The following ASB2 variants were observed in gnomAD, a reference collection of about 807,000 sequenced individuals.
ASB2 encodes the protein ankyrin repeat and SOCS box protein 2.
A neutral mutation model predicts 62.4 loss-of-function variants in ASB2; 58 were observed. That is an observed-to-expected ratio of 0.93 (90% CI 0.75 to 1.16). ASB2 has a LOEUF of 1.16. ASB2 is among the 50% of genes most tolerant of loss of function. The pLI, the probability that ASB2 is intolerant of heterozygous loss-of-function variation, is 0.00. For missense variants in ASB2, 928 were observed against 887.9 expected (o/e 1.05, Z -0.57); for synonymous variants, 386 against 385.3 (o/e 1.00, Z -0.02).
At chr14:93,956,913 G>T (rs772088067) in intron 2 of ASB2, 43 bp from the exon 3 acceptor site, 1 of 1,611,704 alleles carries the variant, frequency 6.2e-7, no homozygotes. Context: ...AAAGTACTCT[G>T]CATAGGAGAA....
intron 1 of ASB2, among the ~76,000 whole-genome samples, chr14:93,975,814 C>A (rs930073044): frequency 6.6e-6 from 1 of 152,236 alleles, no homozygotes; most frequent in Non-Finnish European, 1.5e-5. Flanking sequence ...AGGCCATGGC[C>A]TCCTTAAATG....
At chr14:93,943,692 C>T (rs907885566) in intron 7 of ASB2, among the ~76,000 whole-genome samples, 2 of 152,142 alleles carry the variant, frequency 1.3e-5, no homozygotes, top group Non-Finnish European at 2.9e-5. Flanking sequence ...ACATGGGAAC[C>T]AGTTGCCCAC....
At chr14:93,935,423 G>GTCATTCAT (rs55731345) in intron 9 of ASB2, among the ~76,000 whole-genome samples, 23,240 of 150,892 alleles carry the variant, frequency 0.15, 1,852 homozygotes, top group East Asian at 0.24. Flanking sequence ...ATCACAGAAT[G>GTCATTCAT]TCATTCATTC....
At position 93,934,580 on chromosome 14, in the gene ASB2, G is replaced by C; in HGVS notation, c.*76C>G. ...GCCTCGTCTGTCACCAGGTCCCCTT[G>C]GAGTTGGGAACACCGACGTCCTGAG... On this transcript the variant is annotated 3_prime_UTR_variant, in exon 10 of 10. Coordinates refer to ENST00000555019, the MANE Select transcript of ASB2 (RefSeq NM_001202429.2). 1 of 1,492,718 alleles carries C rather than the reference G, an allele frequency of 6.7e-7. No individual in the cohort carries two copies. The highest frequency in any genetic ancestry group is 9.3e-7 in the Non-Finnish European group (1 of 1,080,256). The allele number at this position is 1,492,718 out of a possible 1,614,324, so 92.5% of individuals were successfully genotyped here. A position where few individuals can be genotyped will look rare whatever the true frequency, so the allele number is the denominator to read the frequency against.
At position 93,956,860 on chromosome 14, in the gene ASB2, G is replaced by A. The variant is rs1433633018; in HGVS notation, c.217C>T (p.Pro73Ser). 1.2e-6 allele frequency: 2 copies of A among 1,614,212 alleles called. No individual in the cohort carries two copies. The highest frequency in any genetic ancestry group is 1.1e-5 in the South Asian group (1 of 91,086). ...GCCCGGGCCGGCGAACTCTCAGGAG[G>A]TGCAGTGGACCTGGAGGGTGCAGAG... Reference protein sequence around the residue: ...HFYPWTRSTAPPESSPARAPM... With the variant: ...HFYPWTRSTASPESSPARAPM... Residue 73 changes from proline (P) to serine (S), a missense_variant, in exon 3 of 10, where the codon CCT (proline) becomes TCT (serine). Pro to Ser is a moderately conservative substitution (Grantham distance 74). Coordinates refer to ENST00000555019, the MANE Select transcript of ASB2 (RefSeq NM_001202429.2).
intron 7 of ASB2, among the ~76,000 whole-genome samples, chr14:93,945,325 G>A (rs938715801): frequency 2.6e-5 from 4 of 152,180 alleles, no homozygotes; most frequent in African/African-American, 9.7e-5. Flanking sequence ...TGGAACTCAA[G>A]AGAAAGGAGC....
At chr14:93,938,997 G>T in intron 8 of ASB2, 111 bp downstream of exon 8, 1 of 976,296 alleles carries the variant, frequency 1.0e-6, no homozygotes, top group Non-Finnish European at 1.4e-6. Context: ...ACTAGTCCAC[G>T]CTGCTCCCAA....
At chr14:93,938,303 G>A (rs1313231288) in intron 8 of ASB2, among the ~76,000 whole-genome samples, 2 of 137,876 alleles carry the variant, frequency 1.5e-5, no homozygotes, top group Admixed American at 7.8e-5. Context: ...GCAGTGGCGC[G>A]ATCTCGGCTC....
intron 2 of ASB2, among the ~76,000 whole-genome samples, chr14:93,958,064 G>C (rs545379786): frequency 6.6e-6 from 1 of 152,318 alleles, no homozygotes; most frequent in African/African-American, 2.4e-5. Context: ...CTGGTAGAGA[G>C]GAGCAAGGGT....
intron 1 of ASB2, among the ~76,000 whole-genome samples, chr14:93,974,974 A>G (rs565782998): frequency 2.0e-5 from 3 of 152,342 alleles, no homozygotes; most frequent in South Asian, 4.1e-4. Context: ...GATGCAAACC[A>G]GCATGGCACC....
intron 6 of ASB2, among the ~76,000 whole-genome samples, chr14:93,948,629 G>T (rs533419292): frequency 1.3e-5 from 2 of 152,002 alleles, no homozygotes; most frequent in Non-Finnish European, 2.9e-5. Flanking sequence ...ATTACTTTCT[G>T]TCTCCTCCCA....
chr14:93,953,440 C>G lies in ASB2; in HGVS notation c.546G>C (p.Arg182Ser). 6.2e-7 allele frequency: 1 copy of G among 1,609,288 alleles called. No homozygotes were observed. Residue 182 changes from arginine to serine, a missense_variant, in exon 5 of 10, where the codon AGG (arginine) becomes AGC (serine). Transcript: ENST00000555019. ...EETAVYLATC[R>S]GHLDCLLSLL... ...GTGACAGGAGACAGTCCAGGTGGCC[C>G]CTGCACGTTGCCAAGTAAACGGCTG...
chr14:93,934,693 C>T lies in ASB2; in HGVS notation c.1871G>A (p.Arg624Lys), dbSNP rs774363614. Reference protein sequence around the residue: ...KLLDTLPLPGRLIRYLKYENT... With the variant: ...KLLDTLPLPGKLIRYLKYENT... ...CTCGTATTTCAGGTATCTAATCAGC[C>T]TGCCTGGGAGCGGCAAGGTGTCTAG... Residue 624 changes from arginine (R) to lysine (K), a missense_variant, in exon 10 of 10, where the codon AGG (arginine) becomes AAG (lysine). Physicochemically the swap from Arg to Lys is conservative, Grantham distance 26. Coordinates refer to ENST00000555019, the MANE Select transcript of ASB2 (RefSeq NM_001202429.2). 1 of 1,614,184 alleles carries T rather than the reference C, an allele frequency of 6.2e-7. No homozygotes were observed. Among genetic ancestry groups the T allele is most frequent in the Non-Finnish European group, 8.5e-7 (1 of 1,180,012 alleles).
chr14:93,966,177 T>A (rs35795329), intron 1 of ASB2, among the ~76,000 whole-genome samples: 12,931 of 152,328 alleles, frequency 0.085, 643 homozygotes, highest in African/African-American at 0.13. Context: ...TCATAGGGTG[T>A]GGCAGATCCT....
rs1388280858 is a variant in ASB2, at chr14:93,954,175, GACTA to G, written c.478+138_478+141del. The G allele has an allele frequency of 7.0e-6, 5 of 710,462 alleles. No individual in the cohort carries two copies. In the East Asian group the frequency reaches 7.7e-5, roughly 11 times the overall value. 44.0% of individuals were successfully genotyped at this position (710,462 alleles called of 1,614,324 possible). A position where few individuals can be genotyped will look rare whatever the true frequency, so the allele number is the denominator to read the frequency against. On this transcript the variant is annotated intron_variant, in intron 4 of 9. Coordinates refer to ENST00000555019, the MANE Select transcript of ASB2 (RefSeq NM_001202429.2). ...CTCATTTCCCCTCTCGTAACTCCATGACTAACTGACAAATGAAAGTGACAGCCTT... is the reference window on the plus strand; with the variant it reads ...CTCATTTCCCCTCTCGTAACTCCATGACTGACAAATGAAAGTGACAGCCTT...
intron 7 of ASB2, chr14:93,942,342 A>C: frequency 1.3e-5 from 6 of 451,298 alleles, no homozygotes; most frequent in South Asian, 9.3e-5. Flanking sequence ...TGCAGAGGCC[A>C]CAACTACCAG....
intron 7 of ASB2, chr14:93,941,314 C>A: frequency 3.6e-6 from 1 of 275,402 alleles, no homozygotes; most frequent in Non-Finnish European, 7.1e-6. Flanking sequence ...AAGGAGGTGG[C>A]CATTACAGGG....
chr14:93,971,835 C>T (rs1033307857), intron 1 of ASB2, among the ~76,000 whole-genome samples: 3 of 151,924 alleles, frequency 2.0e-5, no homozygotes, highest in Non-Finnish European at 4.4e-5. Flanking sequence ...TCATCCCACA[C>T]AATGAATAGC....
chr14:93,969,531 T>C (rs1889696950), intron 1 of ASB2, among the ~76,000 whole-genome samples: 1 of 152,244 alleles, frequency 6.6e-6, no homozygotes, highest in Admixed American at 6.5e-5. Flanking sequence ...GCTGCCCAGC[T>C]TGATTTCTGA....
Sources: gnomAD v4.1 joint callset for allele counts (sites outside exome capture counted in the v4.1 genomes callset) on GRCh38, gnomAD v4.1.1 for gene constraint, MANE v1.5 for transcripts, NCBI Gene and HGNC (gene_info 2026-07-23, HGNC 2026-07-21) for gene names.